NTM: variants seen among roughly 807,000 people sequenced by gnomAD.
NTM encodes IgLON family member 2.
A neutral mutation model predicts 42.1 loss-of-function variants in NTM; 13 were observed. The ratio of observed to expected loss-of-function variants is 0.31; its 90% confidence interval spans 0.20 to 0.49. The LOEUF (loss-of-function observed/expected upper bound fraction) is 0.49, where lower values mean the gene tolerates loss of function less well. Ranked by LOEUF, NTM falls within the 20% of genes least tolerant of loss-of-function variation. NTM has a pLI of 0.99. For synonymous variants in NTM, 187 were observed against 179.2 expected (o/e 1.04, Z -0.35); for missense variants, 373 against 452.8 (o/e 0.82, Z 1.60).
chr11:132,322,874 C>A (rs1167427901), intron 7 of NTM, among the ~76,000 whole-genome samples: 2 of 143,602 alleles, frequency 1.4e-5, no homozygotes, highest in Non-Finnish European at 3.1e-5. Context: ...GATTAAGAAT[C>A]TCACTCAAAA....
intron 3 of NTM, among the ~76,000 whole-genome samples, chr11:132,182,754 T>A (rs1372218521): frequency 6.6e-6 from 1 of 152,186 alleles, no homozygotes; most frequent in Non-Finnish European, 1.5e-5. Context: ...TCCTATGGAA[T>A]AAAATCCAAA....
intron 1 of NTM, among the ~76,000 whole-genome samples, chr11:131,819,457 C>A (rs1317882332): frequency 6.6e-6 from 1 of 152,180 alleles, no homozygotes; most frequent in African/African-American, 2.4e-5. Flanking sequence ...CTCATTCACT[C>A]ATTCATTCAT....
intron 1 of NTM, among the ~76,000 whole-genome samples, chr11:131,533,242 G>A (rs981801474): frequency 2.6e-5 from 4 of 152,208 alleles, no homozygotes; most frequent in African/African-American, 9.6e-5. Flanking sequence ...GTCTGCAGAT[G>A]TAAATCATAC....
At chr11:131,655,750 G>A (rs1384403607) in intron 1 of NTM, among the ~76,000 whole-genome samples, 2 of 152,240 alleles carry the variant, frequency 1.3e-5, no homozygotes, top group South Asian at 2.1e-4. Flanking sequence ...TATGCTCACT[G>A]GAATGAAAAG....
chr11:131,502,816 A>C (rs1005498940), intron 1 of NTM: 1 of 152,264 alleles, frequency 6.6e-6, no homozygotes, highest in Non-Finnish European at 1.5e-5. Context: ...TGTGTAACAC[A>C]GCATCTGATC....
Position 131,389,050 on chromosome 11 carries a change from G to GAAAAGA in NTM, c.82+18166_82+18167insGAAAAA, listed in dbSNP as rs1555097661. On this transcript the variant is annotated intron_variant, in intron 1 of 8. Transcript: ENST00000683400. ...AAAAGAAAAGAAAAGAAAAGAAAAGGAAAAAGAAAGATGGTGGTTGAAAGT... is the reference window on the plus strand; with the variant it reads ...AAAAGAAAAGAAAAGAAAAGAAAAGGAAAAGAAAAAAGAAAGATGGTGGTTGAAAGT... Among the ~76,000 whole-genome samples the GAAAAGA allele has an allele frequency of 2.8e-3, 285 of 100,136 alleles. 27 individuals are homozygous for GAAAAGA. Among genetic ancestry groups the GAAAAGA allele is most frequent in the Admixed American group, 3.0e-3 (28 of 9,414 alleles). 65.7% of individuals were successfully genotyped at this position (100,136 alleles called of 152,430 possible).
intron 1 of NTM, among the ~76,000 whole-genome samples, chr11:131,770,214 C>A (rs1252664152): frequency 6.6e-6 from 1 of 152,192 alleles, no homozygotes; most frequent in African/African-American, 2.4e-5. Flanking sequence ...ATTTGCCTGT[C>A]CCCTGACAGA....
intron 1 of NTM, among the ~76,000 whole-genome samples, chr11:131,406,455 A>G (rs1048001058): frequency 2.6e-5 from 4 of 152,206 alleles, no homozygotes; most frequent in African/African-American, 9.6e-5. Flanking sequence ...CAGTCAAGTC[A>G]ACCTTACTAC....
intron 4 of NTM, among the ~76,000 whole-genome samples, chr11:132,247,597 C>T (rs1416894744): frequency 6.6e-6 from 1 of 152,090 alleles, no homozygotes; most frequent in Non-Finnish European, 1.5e-5. Flanking sequence ...TCAAACTATA[C>T]TGGAGATTCA....
At chr11:131,876,023 G>A (rs1258410703) in intron 1 of NTM, among the ~76,000 whole-genome samples, 1 of 152,174 alleles carries the variant, frequency 6.6e-6, no homozygotes, top group African/African-American at 2.4e-5. Flanking sequence ...GAACTTCTCT[G>A]TTATTTCCAG....
chr11:131,735,233 A>T (rs1237177249), intron 1 of NTM, among the ~76,000 whole-genome samples: 1 of 152,154 alleles, frequency 6.6e-6, no homozygotes, highest in Non-Finnish European at 1.5e-5. Flanking sequence ...GCTCCAAGGC[A>T]CTCTTCACAG....
chr11:132,153,408 G>C (rs1001484522), intron 3 of NTM, among the ~76,000 whole-genome samples: 1 of 152,084 alleles, frequency 6.6e-6, no homozygotes, highest in Non-Finnish European at 1.5e-5. Context: ...GGTTGGATGA[G>C]GTCTCTTTAT....
intron 1 of NTM, among the ~76,000 whole-genome samples, chr11:131,478,611 T>C (rs568511654): frequency 1.3e-5 from 2 of 152,160 alleles, no homozygotes; most frequent in African/African-American, 4.8e-5. Context: ...TATGGACTAG[T>C]AGCCTCTGTG....
chr11:131,640,718 T>G (rs528295785), intron 1 of NTM, among the ~76,000 whole-genome samples: 2 of 152,298 alleles, frequency 1.3e-5, no homozygotes, highest in Non-Finnish European at 2.9e-5. Flanking sequence ...TTAAAAAACC[T>G]GTAGATGTCC....
chr11:132,211,950 C>T, intron 3 of NTM, 72 bp from the exon 4 acceptor site: 1 of 1,517,210 alleles, frequency 6.6e-7, no homozygotes, highest in Non-Finnish European at 8.9e-7. Context: ...ACTGTTCTGC[C>T]AACTACCATG....
At chr11:132,019,535 A>G (rs2073999991) in intron 2 of NTM, among the ~76,000 whole-genome samples, 2 of 152,026 alleles carry the variant, frequency 1.3e-5, no homozygotes, top group Non-Finnish European at 2.9e-5. Flanking sequence ...TCCTCCTGAT[A>G]TATGAACTCT....
At chr11:131,758,515 A>C (rs1331116355) in intron 1 of NTM, among the ~76,000 whole-genome samples, 1 of 151,898 alleles carries the variant, frequency 6.6e-6, no homozygotes, top group Admixed American at 6.6e-5. Context: ...GTATACTTAC[A>C]GTTTTCTGCC....
intron 1 of NTM, among the ~76,000 whole-genome samples, chr11:131,713,493 G>T (rs1388217929): frequency 6.6e-6 from 1 of 152,070 alleles, no homozygotes; most frequent in Non-Finnish European, 1.5e-5. Context: ...TAACTTCTCT[G>T]GGCCCAATTC....
At chr11:131,406,707 C>A (rs1436724808) in intron 1 of NTM, among the ~76,000 whole-genome samples, 2 of 152,206 alleles carry the variant, frequency 1.3e-5, no homozygotes. Flanking sequence ...ATCTTGATCT[C>A]TCTCACAAAA....
Sources: gnomAD v4.1 joint callset for allele counts (sites outside exome capture counted in the v4.1 genomes callset) on GRCh38, gnomAD v4.1.1 for gene constraint, MANE v1.5 for transcripts, NCBI Gene and HGNC (gene_info 2026-07-23, HGNC 2026-07-21) for gene names.